Variants in CHCHD3 observed in about 807,000 individuals in gnomAD.
The protein encoded by CHCHD3 is coiled-coil-helix-coiled-coil-helix domain containing 3.
CHCHD3 carries 20 observed loss-of-function variants against 38.2 expected under a neutral mutation model. That is an observed-to-expected ratio of 0.52 (90% confidence interval 0.37 to 0.76). CHCHD3 has a LOEUF of 0.76. CHCHD3 is among the 30% of genes least tolerant of loss of function. The pLI, the probability that CHCHD3 is intolerant of heterozygous loss-of-function variation, is 0.00. For missense variants in CHCHD3, 245 were observed against 279.2 expected (o/e 0.88, Z 0.87); for synonymous variants, 82 against 100.0 (o/e 0.82, Z 1.07).
intron 3 of CHCHD3, among the ~76,000 whole-genome samples, chr7:132,989,006 T>C (rs1756808092): frequency 6.6e-6 from 1 of 152,184 alleles, no homozygotes; most frequent in Admixed American, 6.5e-5. Flanking sequence ...ATTTACATAG[T>C]GCTTACATTG....
intron 4 of CHCHD3, among the ~76,000 whole-genome samples, chr7:132,901,992 G>A (rs1019698861): frequency 2.6e-5 from 4 of 152,032 alleles, no homozygotes; most frequent in Non-Finnish European, 5.9e-5. Context: ...AATCCATCTT[G>A]AATTAATTTT....
chr7:133,015,481 G>A (rs566761280), intron 3 of CHCHD3, among the ~76,000 whole-genome samples: 52 of 152,206 alleles, frequency 3.4e-4, no homozygotes, highest in African/African-American at 1.2e-3. Flanking sequence ...TTTAAATACT[G>A]TACAGAGTAG....
intron 5 of CHCHD3, among the ~76,000 whole-genome samples, chr7:132,863,813 A>G (rs1208918948): frequency 6.6e-6 from 1 of 152,180 alleles, no homozygotes; most frequent in Non-Finnish European, 1.5e-5. Flanking sequence ...TGCTTTCCAT[A>G]AACCTCATGA....
chr7:132,995,273 T>C (rs2117379237), intron 3 of CHCHD3, among the ~76,000 whole-genome samples: 1 of 152,312 alleles, frequency 6.6e-6, no homozygotes, highest in Middle Eastern at 3.4e-3. Flanking sequence ...ACATACTTAA[T>C]GTACACATCT....
At chr7:132,806,239 T>C (rs1297809484) in intron 6 of CHCHD3, among the ~76,000 whole-genome samples, 1 of 152,148 alleles carries the variant, frequency 6.6e-6, no homozygotes, top group Non-Finnish European at 1.5e-5. Flanking sequence ...ATGTGCTCCA[T>C]AGCAAGCTGG....
intron 6 of CHCHD3, among the ~76,000 whole-genome samples, chr7:132,811,488 T>C (rs1264740291): frequency 6.6e-6 from 1 of 152,246 alleles, no homozygotes; most frequent in South Asian, 2.1e-4. Context: ...GCTACCATGT[T>C]GTTGGAAGCA....
At chr7:132,875,560 A>G (rs1007338568) in intron 5 of CHCHD3, among the ~76,000 whole-genome samples, 1 of 152,192 alleles carries the variant, frequency 6.6e-6, no homozygotes, top group African/African-American at 2.4e-5. Context: ...CAAAGGTAGT[A>G]AAAAGGTAGT....
intron 2 of CHCHD3, among the ~76,000 whole-genome samples, chr7:133,061,255 G>A (rs1814501449): frequency 4.6e-5 from 7 of 152,048 alleles, no homozygotes; most frequent in Admixed American, 3.3e-4. Context: ...CAAGACTAAA[G>A]GCAGGGACCC....
At chr7:132,961,687 T>C (rs954769469) in intron 4 of CHCHD3, among the ~76,000 whole-genome samples, 1 of 152,244 alleles carries the variant, frequency 6.6e-6, no homozygotes, top group Non-Finnish European at 1.5e-5. Context: ...TTAAAAATAC[T>C]GTAGAACTAT....
intron 2 of CHCHD3, among the ~76,000 whole-genome samples, chr7:133,060,483 A>G (rs1241701627): frequency 6.6e-6 from 1 of 152,296 alleles, no homozygotes; most frequent in African/African-American, 2.4e-5. Flanking sequence ...TCCTGGGGTA[A>G]GTGGTTTCTA....
intron 5 of CHCHD3, among the ~76,000 whole-genome samples, chr7:132,870,482 C>T (rs538616852): frequency 2.0e-5 from 3 of 152,152 alleles, no homozygotes; most frequent in Non-Finnish European, 4.4e-5. Context: ...TAATTATCAA[C>T]CTCCTAGAGA....
At chr7:132,883,715 G>T in intron 5 of CHCHD3, among the ~76,000 whole-genome samples, 1 of 152,118 alleles carries the variant, frequency 6.6e-6, no homozygotes, top group South Asian at 2.1e-4. Flanking sequence ...ACCAAATGTG[G>T]TGTGCAAAGC....
chr7:132,973,067 CTGAG>C, intron 4 of CHCHD3: 2 of 985,224 alleles, frequency 2.0e-6, no homozygotes, highest in Non-Finnish European at 2.4e-6. Flanking sequence ...TTATGTCTTG[CTGAG>C]TGTGTGTATA....
chr7:132,804,072 G>A (rs897243919), intron 6 of CHCHD3, among the ~76,000 whole-genome samples: 4 of 152,032 alleles, frequency 2.6e-5, no homozygotes, highest in Non-Finnish European at 4.4e-5. Flanking sequence ...TAGCCAACAC[G>A]GGAGTCCCCA....
chr7:132,956,532 G>A (rs1320135639), intron 4 of CHCHD3, among the ~76,000 whole-genome samples: 2 of 152,160 alleles, frequency 1.3e-5, no homozygotes, highest in Admixed American at 6.5e-5. Context: ...GTTATAAATT[G>A]TAAAAGCTTT....
chr7:132,881,814 C>T (rs1388136577), intron 5 of CHCHD3, among the ~76,000 whole-genome samples: 1 of 152,116 alleles, frequency 6.6e-6, no homozygotes, highest in Non-Finnish European at 1.5e-5. Context: ...AATAGTTAGA[C>T]ATTGTAATTC....
chr7:132,910,723 T>C (rs193253986), intron 4 of CHCHD3, among the ~76,000 whole-genome samples: 11 of 152,304 alleles, frequency 7.2e-5, no homozygotes, highest in Admixed American at 2.6e-4. Context: ...CTAGCAATTA[T>C]ATGCTTCTAA....
At chr7:133,073,295 C>T (rs866976573) in intron 1 of CHCHD3, among the ~76,000 whole-genome samples, 1 of 151,872 alleles carries the variant, frequency 6.6e-6, no homozygotes, top group African/African-American at 2.4e-5. Flanking sequence ...GCTGAAGGGC[C>T]CTTCTCATTC....
chr7:132,815,069 GAAAT>G (rs1170130762), intron 6 of CHCHD3, among the ~76,000 whole-genome samples: 2 of 152,200 alleles, frequency 1.3e-5, no homozygotes, highest in Non-Finnish European at 2.9e-5. Flanking sequence ...ACTGTATAAT[GAAAT>G]AAAGCAATGA....
Sources: allele counts gnomAD v4.1 joint callset (sites outside exome capture counted in the v4.1 genomes callset), GRCh38; gene constraint gnomAD v4.1.1; transcripts MANE v1.5; gene names NCBI Gene and HGNC (gene_info 2026-07-23, HGNC 2026-07-21).